NPAS3: variants seen among roughly 807,000 people sequenced by gnomAD.
NPAS3 encodes neuronal PAS domain-containing protein 3.
A neutral mutation model predicts 73.1 loss-of-function variants in NPAS3; 14 were observed. That is an observed-to-expected ratio of 0.19 (90% CI 0.13 to 0.30). The LOEUF (loss-of-function observed/expected upper bound fraction) is 0.30, where lower values mean the gene tolerates loss of function less well. NPAS3 is among the 10% of genes least tolerant of loss of function. The probability of loss-of-function intolerance (pLI) is 1.00; values close to 1 mark genes in which losing one functional copy is unlikely to be tolerated. For synonymous variants in NPAS3, 620 were observed against 541.5 expected (o/e 1.14, Z -2.01); for missense variants, 1,096 against 1,250.0 (o/e 0.88, Z 1.86).
intron 4 of NPAS3, among the ~76,000 whole-genome samples, chr14:33,401,619 G>A (rs1400972987): frequency 6.6e-6 from 1 of 151,982 alleles, no homozygotes. Flanking sequence ...GTGAAAGGGA[G>A]GTGATTTTTA....
At chr14:32,956,792 C>T (rs1417983989) in intron 1 of NPAS3, among the ~76,000 whole-genome samples, 2 of 152,176 alleles carry the variant, frequency 1.3e-5, no homozygotes, top group East Asian at 1.9e-4. Context: ...AAACCCAAAT[C>T]ACTTTTGATA....
chr14:33,016,791 A>G (rs1050241885), intron 1 of NPAS3, among the ~76,000 whole-genome samples: 6 of 152,066 alleles, frequency 3.9e-5, no homozygotes, highest in Non-Finnish European at 8.8e-5. Flanking sequence ...CTAATTTTTA[A>G]GCATACTGTG....
chr14:33,057,052 T>C (rs1429272306), intron 2 of NPAS3, among the ~76,000 whole-genome samples: 1 of 139,426 alleles, frequency 7.2e-6, no homozygotes, highest in African/African-American at 3.0e-5. Context: ...GAGCACTTTC[T>C]TTCATGGTTT....
rs1353231243 is a variant in NPAS3 at position 33,644,426 on chromosome 14, C to T, written c.559-31785C>T. ...TGTAGTGAGCAACACAGCACATTGC[C>T]TTTCTCATTTGGCCAGCCATTGGGT... On this transcript the variant is annotated intron_variant, in intron 5 of 11. Coordinates refer to ENST00000356141, the Ensembl canonical transcript of NPAS3. Among the ~76,000 whole-genome samples the T allele has an allele frequency of 2.0e-5, 3 of 152,286 alleles. No individual in the cohort carries two copies. The East Asian group carries it at 5.8e-4, about 29-fold the overall frequency.
Position 33,113,278 on chromosome 14 carries a change from T to C in NPAS3, c.140+57284T>C, listed in dbSNP as rs2042955439. Among the ~76,000 whole-genome samples the C allele has an allele frequency of 1.3e-5, 2 of 152,220 alleles. 1 individual carries two copies. Among genetic ancestry groups the C allele is most frequent in the Admixed American group, 1.3e-4 (2 of 15,286 alleles). ...TTGGGTAGTATGGCCATTTTCATGA[T>C]ATTGATTCTTCCTACCCATGAGCAT... On this transcript the variant is annotated intron_variant, in intron 2 of 11. Coordinates refer to ENST00000356141, the Ensembl canonical transcript of NPAS3.
At chr14:33,590,149 C>T (rs1019139110) in intron 5 of NPAS3, among the ~76,000 whole-genome samples, 2 of 152,064 alleles carry the variant, frequency 1.3e-5, no homozygotes, top group African/African-American at 4.8e-5. Context: ...GCAGAAAATT[C>T]CTCAGTATAT....
intron 3 of NPAS3, among the ~76,000 whole-genome samples, chr14:33,251,398 G>T (rs2139893333): frequency 6.6e-6 from 1 of 152,122 alleles, no homozygotes; most frequent in South Asian, 2.1e-4. Context: ...GTCAAATGTG[G>T]CTAAGAGGGC....
intron 4 of NPAS3, among the ~76,000 whole-genome samples, chr14:33,483,505 G>T (rs1313708081): frequency 6.6e-6 from 1 of 152,120 alleles, no homozygotes; most frequent in East Asian, 1.9e-4. Flanking sequence ...AATAAACTTG[G>T]ACCTGGGTTT....
At chr14:33,778,559 C>T (rs2062889408) in exon 9 of NPAS3, 2 of 1,612,494 alleles carry the variant, frequency 1.2e-6, no homozygotes, top group South Asian at 1.1e-5. Flanking sequence ...GCATCAGGCA[C>T]AGTCACTTGG....
intron 4 of NPAS3, among the ~76,000 whole-genome samples, chr14:33,496,649 A>G (rs547921432): frequency 3.9e-5 from 6 of 152,114 alleles, no homozygotes; most frequent in African/African-American, 1.4e-4. Context: ...AAAATTCAAC[A>G]CCCTTCATGC....
intron 2 of NPAS3, among the ~76,000 whole-genome samples, chr14:33,199,493 C>T (rs2046529072): frequency 6.6e-6 from 1 of 152,148 alleles, no homozygotes; most frequent in African/African-American, 2.4e-5. Context: ...TAGACAGGCT[C>T]TTGGCTGCTG....
rs577496500 is a variant in NPAS3 at position 33,462,418 on chromosome 14, C to T, written c.468+95150C>T. The stretch of plus-strand genomic sequence containing the variant: ...CATGTAACTAGTTCTGGCCAATGAG[C>T]TGTGAGTGGAAATGACATGTTTCCT... On this transcript the variant is annotated intron_variant, in intron 4 of 11. Coordinates refer to ENST00000356141, the Ensembl canonical transcript of NPAS3. Among the ~76,000 whole-genome samples, 18 of 152,248 alleles carry T rather than the reference C, an allele frequency of 1.2e-4. No individual in the cohort carries two copies. The South Asian group carries it at 3.5e-3, about 30-fold the overall frequency.
At chr14:33,306,670 A>G (rs1483105188) in intron 3 of NPAS3, among the ~76,000 whole-genome samples, 1 of 152,198 alleles carries the variant, frequency 6.6e-6, no homozygotes. Context: ...TAGTTTTACT[A>G]AAGTAGGTTA....
intron 4 of NPAS3, among the ~76,000 whole-genome samples, chr14:33,415,653 A>G (rs1425655634): frequency 6.6e-6 from 1 of 152,094 alleles, no homozygotes; most frequent in Non-Finnish European, 1.5e-5. Flanking sequence ...TCTTGTCTTT[A>G]CTGTGGTTTC....
intron 6 of NPAS3, 36 bp downstream of exon 6, chr14:33,676,421 C>A (rs770756777): frequency 1.3e-6 from 2 of 1,515,036 alleles, no homozygotes; most frequent in Non-Finnish European, 8.8e-7. Flanking sequence ...GGTTGGTGGG[C>A]AGGACCTTTG....
intron 4 of NPAS3, among the ~76,000 whole-genome samples, chr14:33,415,874 C>A (rs2048124762): frequency 6.6e-6 from 1 of 152,038 alleles, no homozygotes; most frequent in African/African-American, 2.4e-5. Context: ...AATATTATCT[C>A]CTTCCAATTT....
At chr14:33,476,070 C>A (rs1594980801) in intron 4 of NPAS3, among the ~76,000 whole-genome samples, 1 of 152,180 alleles carries the variant, frequency 6.6e-6, no homozygotes, top group South Asian at 2.1e-4. Context: ...CACAGACTTG[C>A]AAACATAACG....
intron 8 of NPAS3, among the ~76,000 whole-genome samples, chr14:33,776,521 TAA>T (rs552348267): frequency 2.8e-3 from 90 of 32,032 alleles, no homozygotes; most frequent in Non-Finnish European, 3.7e-3. Flanking sequence ...TTCTTCCTCT[TAA>T]AAAAAAAAAA....
At chr14:33,259,461 A>G (rs1426769512) in intron 3 of NPAS3, among the ~76,000 whole-genome samples, 1 of 152,198 alleles carries the variant, frequency 6.6e-6, no homozygotes, top group Non-Finnish European at 1.5e-5. Context: ...AATATTTTCT[A>G]AGTGCTTCTT....
Sources: gnomAD v4.1 joint callset for allele counts (sites outside exome capture counted in the v4.1 genomes callset) on GRCh38, gnomAD v4.1.1 for gene constraint, MANE v1.5 for transcripts, NCBI Gene and HGNC (gene_info 2026-07-23, HGNC 2026-07-21) for gene names.